ELMO1: variants seen among roughly 807,000 people sequenced by gnomAD.
The protein encoded by ELMO1 is engulfment and cell motility 1, also known as engulfment and cell motility protein 1.
In ELMO1, 26 loss-of-function variants were observed where a neutral mutation model predicts 98.9. The observed-to-expected ratio is 0.26, with a 90% CI of 0.19 to 0.36. The LOEUF is 0.36. Ranked by LOEUF, ELMO1 falls within the 10% of genes least tolerant of loss-of-function variation. The probability of loss-of-function intolerance (pLI) is 1.00; values close to 1 mark genes in which losing one functional copy is unlikely to be tolerated. For synonymous variants in ELMO1, 346 were observed against 346.0 expected, an observed-to-expected ratio of 1.00 and a Z score of 0.00; for missense variants, 627 against 935.2, an observed-to-expected ratio of 0.67 and a Z score of 4.30.
intron 8 of ELMO1, among the ~76,000 whole-genome samples, chr7:37,230,913 T>C (rs1794135518): frequency 6.6e-6 from 1 of 152,190 alleles, no homozygotes; most frequent in South Asian, 2.1e-4. Flanking sequence ...GGCAGGAAAG[T>C]ACTTTATAAC....
chr7:37,408,062 T>C (rs987718765), intron 1 of ELMO1, among the ~76,000 whole-genome samples: 2 of 152,222 alleles, frequency 1.3e-5, no homozygotes, highest in African/African-American at 4.8e-5. Context: ...GTAAAGAACA[T>C]TGAATACCAC....
intron 1 of ELMO1, among the ~76,000 whole-genome samples, chr7:37,444,847 C>T (rs1805545701): frequency 1.3e-5 from 2 of 152,130 alleles, no homozygotes; most frequent in Admixed American, 1.3e-4. Flanking sequence ...AGTCAATAGC[C>T]GACAGAACTG....
At chr7:37,193,221 G>A (rs1228684663) in intron 13 of ELMO1, among the ~76,000 whole-genome samples, 1 of 151,728 alleles carries the variant, frequency 6.6e-6, no homozygotes, top group African/African-American at 2.4e-5. Context: ...CTTCCCCCCT[G>A]GATTCTTGGT....
chr7:37,268,535 C>A (rs938101863), intron 5 of ELMO1, among the ~76,000 whole-genome samples: 1 of 152,106 alleles, frequency 6.6e-6, no homozygotes, highest in African/African-American at 2.4e-5. Context: ...CTCCTGACCT[C>A]GTGATCTACC....
intron 4 of ELMO1, among the ~76,000 whole-genome samples, chr7:37,290,810 A>C (rs1347551633): frequency 6.6e-6 from 1 of 152,176 alleles, no homozygotes; most frequent in Non-Finnish European, 1.5e-5. Context: ...GCATATGCTA[A>C]AATTCATATG....
At chr7:37,176,225 T>C (rs1790490285) in intron 13 of ELMO1, among the ~76,000 whole-genome samples, 1 of 152,246 alleles carries the variant, frequency 6.6e-6, no homozygotes, top group Non-Finnish European at 1.5e-5. Context: ...CTGTTATACT[T>C]TCACTGTCAT....
chr7:37,172,928 T>C (rs1790267782), intron 13 of ELMO1, among the ~76,000 whole-genome samples: 1 of 152,182 alleles, frequency 6.6e-6, no homozygotes, highest in Non-Finnish European at 1.5e-5. Context: ...AGCAAGCTCC[T>C]AGCAGATTGA....
At chr7:36,986,146 A>T in intron 16 of ELMO1, 1 of 986,856 alleles carries the variant, frequency 1.0e-6, no homozygotes, top group Non-Finnish European at 1.2e-6. Context: ...AAGAATAAGC[A>T]TGTAGCTTTG....
chr7:37,147,174 GCTC>G (rs1339528404), intron 13 of ELMO1, among the ~76,000 whole-genome samples: 3 of 152,164 alleles, frequency 2.0e-5, no homozygotes, highest in Non-Finnish European at 4.4e-5. Context: ...TGATATCCCA[GCTC>G]CTCATCATTA....
chr7:37,341,902 T>G lies in ELMO1; in HGVS notation c.78+711A>C, dbSNP rs139298063. On this transcript the variant is annotated intron_variant, in intron 2 of 21. Coordinates refer to ENST00000310758, the MANE Select transcript of ELMO1 (RefSeq NM_014800.11). ...TTGCTCTAGAGTGACTACAGTAAAG[T>G]GAGGACAAAAGTAACCATTCTGAGA... Among the ~76,000 whole-genome samples, 7 of 152,294 alleles carry G rather than the reference T, an allele frequency of 4.6e-5. No homozygotes were observed. In the East Asian group the frequency reaches 1.3e-3, roughly 29 times the overall value.
chr7:37,349,529 C>A (rs576137655), intron 1 of ELMO1, among the ~76,000 whole-genome samples: 1 of 152,284 alleles, frequency 6.6e-6, no homozygotes, highest in East Asian at 1.9e-4. Context: ...TCTCAGCTCA[C>A]TGTAACCTCC....
intron 1 of ELMO1, among the ~76,000 whole-genome samples, chr7:37,425,463 G>A (rs900227949): frequency 6.6e-6 from 1 of 152,214 alleles, no homozygotes; most frequent in East Asian, 1.9e-4. Flanking sequence ...GATAGTTATC[G>A]AGAATTATTT....
intron 16 of ELMO1, among the ~76,000 whole-genome samples, chr7:36,929,207 T>G (rs1785827415): frequency 6.6e-6 from 1 of 152,188 alleles, no homozygotes; most frequent in African/African-American, 2.4e-5. Context: ...GCTTACTTCC[T>G]GATGTCCAGG....
At chr7:37,140,883 T>C (rs1210290437) in intron 13 of ELMO1, among the ~76,000 whole-genome samples, 2 of 152,032 alleles carry the variant, frequency 1.3e-5, no homozygotes, top group South Asian at 2.1e-4. Context: ...CAAAAAACAA[T>C]AGATGCTGGC....
intron 13 of ELMO1, among the ~76,000 whole-genome samples, chr7:37,144,529 T>C (rs1485228792): frequency 6.6e-6 from 1 of 152,240 alleles, no homozygotes; most frequent in Admixed American, 6.5e-5. Context: ...TGTCTTGAAA[T>C]GGAAGCTGCA....
At chr7:37,120,736 G>A (rs531937626) in intron 14 of ELMO1, among the ~76,000 whole-genome samples, 3 of 152,296 alleles carry the variant, frequency 2.0e-5, no homozygotes, top group East Asian at 1.9e-4. Flanking sequence ...AGAAATCTCC[G>A]CAGACTTAAA....
At chr7:37,317,519 A>G (rs1288700839) in intron 2 of ELMO1, among the ~76,000 whole-genome samples, 1 of 152,226 alleles carries the variant, frequency 6.6e-6, no homozygotes, top group Non-Finnish European at 1.5e-5. Flanking sequence ...GTCATTTGCA[A>G]TAACATGGAT....
chr7:37,386,730 G>T (rs1802820257), intron 1 of ELMO1, among the ~76,000 whole-genome samples: 1 of 152,146 alleles, frequency 6.6e-6, no homozygotes, highest in African/African-American at 2.4e-5. Flanking sequence ...CCAAACTCAT[G>T]TCAGTCAGGC....
At chr7:37,209,951 C>G (rs1475687760) in intron 13 of ELMO1, among the ~76,000 whole-genome samples, 1 of 152,210 alleles carries the variant, frequency 6.6e-6, no homozygotes, top group Non-Finnish European at 1.5e-5. Context: ...GTAAAGCAAG[C>G]TGCAAAGCTG....
Sources: gnomAD v4.1 joint callset for allele counts (sites outside exome capture counted in the v4.1 genomes callset) on GRCh38, gnomAD v4.1.1 for gene constraint, MANE v1.5 for transcripts, NCBI Gene and HGNC (gene_info 2026-07-23, HGNC 2026-07-21) for gene names.